Variants in STRN3 observed in about 807,000 individuals in gnomAD.
STRN3 encodes the protein striatin-3.
In STRN3, 29 loss-of-function variants were observed where a neutral mutation model predicts 95.6. That is an observed-to-expected ratio of 0.30 (90% CI 0.23 to 0.41). STRN3 has a LOEUF of 0.41. STRN3 is among the 10% of genes least tolerant of loss of function. The probability of loss-of-function intolerance (pLI) is 1.00; values close to 1 mark genes in which losing one functional copy is unlikely to be tolerated. For missense variants in STRN3, 890 were observed against 972.1 expected, an observed-to-expected ratio of 0.92 and a Z score of 1.12; for synonymous variants, 331 against 357.6, an observed-to-expected ratio of 0.93 and a Z score of 0.84.
chr14:30,966,105 TTC>T (rs1880488399), intron 1 of STRN3, among the ~76,000 whole-genome samples: 1 of 149,968 alleles, frequency 6.7e-6, no homozygotes, highest in African/African-American at 2.5e-5. Context: ...CACCCTGTCA[TTC>T]TCTTTTAATT....
intron 1 of STRN3, among the ~76,000 whole-genome samples, chr14:31,023,103 AGT>A (rs1480663511): frequency 3.9e-5 from 6 of 152,220 alleles, no homozygotes; most frequent in Admixed American, 6.5e-5. Flanking sequence ...AAAAAAGAAA[AGT>A]GTAGTGTAGT....
chr14:30,989,617 C>T (rs1881855232), intron 1 of STRN3, among the ~76,000 whole-genome samples: 1 of 151,916 alleles, frequency 6.6e-6, no homozygotes, highest in Admixed American at 6.6e-5. Flanking sequence ...CCCGCCACCT[C>T]GCCTGGCTAA....
chr14:30,985,983 T>TTC (rs375816763), intron 1 of STRN3, among the ~76,000 whole-genome samples: 32 of 151,570 alleles, frequency 2.1e-4, no homozygotes, highest in South Asian at 1.3e-3. Context: ...TGCATGCGCT[T>TTC]TCTCTCTCTC....
intron 1 of STRN3, among the ~76,000 whole-genome samples, chr14:31,013,363 A>AC (rs1276669680): frequency 1.3e-5 from 2 of 151,260 alleles, no homozygotes; most frequent in African/African-American, 2.4e-5. Context: ...AAAGAGTGAG[A>AC]CCCCCATCTC....
intron 1 of STRN3, among the ~76,000 whole-genome samples, chr14:30,994,467 AATCT>A (rs1882107616): frequency 6.6e-6 from 1 of 152,202 alleles, no homozygotes; most frequent in Non-Finnish European, 1.5e-5. Flanking sequence ...AGGTTATTTA[AATCT>A]ATCCAAACAT....
chr14:31,008,319 T>C (rs568704153), intron 1 of STRN3, among the ~76,000 whole-genome samples: 5 of 151,722 alleles, frequency 3.3e-5, no homozygotes, highest in Non-Finnish European at 5.9e-5. Flanking sequence ...GACCAGCCTA[T>C]ACATCATGGC....
intron 16 of STRN3, among the ~76,000 whole-genome samples, chr14:30,902,157 G>A (rs1174077902): frequency 1.1e-5 from 1 of 89,692 alleles, no homozygotes; most frequent in Non-Finnish European, 2.0e-5. Flanking sequence ...GGCAACAAGA[G>A]CAAAACTCCG....
At position 30,895,053 on chromosome 14, in the gene STRN3, CAAAAAAAAAAA is replaced by C. The variant is rs35858438; in HGVS notation, c.*347_*357del. 53 of 26,560 alleles carry C rather than the reference CAAAAAAAAAAA, an allele frequency of 2.0e-3. No individual in the cohort carries two copies. Among genetic ancestry groups the C allele is most frequent in the Non-Finnish European group, 2.0e-3 (34 of 17,388 alleles). The allele number at this position is 26,560 out of a possible 1,614,324, so 1.6% of individuals were successfully genotyped here. A position where few individuals can be genotyped will look rare whatever the true frequency, so the allele number is the denominator to read the frequency against. ...AACCCCTAAGGCAGCACACAGAGTCCAAAAAAAAAAAAAAAAAAAAAAAAAAGAAGAAGAAG... is the reference window on the plus strand; with the variant it reads ...AACCCCTAAGGCAGCACACAGAGTCCAAAAAAAAAAAAAAAGAAGAAGAAG... On this transcript the variant is annotated 3_prime_UTR_variant, in exon 18 of 18. Transcript: ENST00000357479.
At chr14:30,958,234 G>A (rs1880017663) in intron 1 of STRN3, among the ~76,000 whole-genome samples, 1 of 152,092 alleles carries the variant, frequency 6.6e-6, no homozygotes, top group South Asian at 2.1e-4. Flanking sequence ...AACTGCTTGA[G>A]CCCAGGAGTG....
At chr14:31,018,974 T>C (rs1399555488) in intron 1 of STRN3, among the ~76,000 whole-genome samples, 1 of 152,074 alleles carries the variant, frequency 6.6e-6, no homozygotes, top group Non-Finnish European at 1.5e-5. Context: ...ATTCAAAAAA[T>C]TAGTCGGGCA....
intron 8 of STRN3, among the ~76,000 whole-genome samples, chr14:30,923,691 A>G (rs1438067519): frequency 1.3e-5 from 2 of 152,186 alleles, no homozygotes; most frequent in Non-Finnish European, 2.9e-5. Context: ...TAAATTTTAT[A>G]GGTATAATAT....
At chr14:30,953,625 G>A (rs914667888) in intron 3 of STRN3, among the ~76,000 whole-genome samples, 1 of 152,118 alleles carries the variant, frequency 6.6e-6, no homozygotes, top group Non-Finnish European at 1.5e-5. Flanking sequence ...CTGGATCATA[G>A]GGTATGTATA....
intron 1 of STRN3, among the ~76,000 whole-genome samples, chr14:30,956,607 T>A (rs1231201248): frequency 1.3e-5 from 2 of 152,144 alleles, no homozygotes; most frequent in African/African-American, 4.8e-5. Context: ...ATGTCCAAAC[T>A]TTGTTAGATC....
intron 1 of STRN3, among the ~76,000 whole-genome samples, chr14:30,994,198 C>A (rs1215839992): frequency 6.6e-6 from 1 of 151,824 alleles, no homozygotes; most frequent in African/African-American, 2.4e-5. Context: ...AATATGTTGG[C>A]CAGGATGGTC....
intron 1 of STRN3, among the ~76,000 whole-genome samples, chr14:30,966,760 G>C (rs1417970593): frequency 6.6e-6 from 1 of 152,136 alleles, no homozygotes; most frequent in Non-Finnish European, 1.5e-5. Context: ...CTGCTGGACG[G>C]AGTGAGTGGG....
chr14:30,961,776 A>T (rs924366793), intron 1 of STRN3, among the ~76,000 whole-genome samples: 14 of 152,204 alleles, frequency 9.2e-5, no homozygotes, highest in Middle Eastern at 3.4e-3. Context: ...CTAATTTTTT[A>T]AAAATTATTT....
At chr14:30,947,049 A>G in intron 5 of STRN3, 41 bp downstream of exon 5, 1 of 1,421,864 alleles carries the variant, frequency 7.0e-7, no homozygotes, top group Non-Finnish European at 9.4e-7. Flanking sequence ...AACAATATCC[A>G]TAATATCCAT....
At chr14:30,910,062 C>T (rs1025606878) in intron 13 of STRN3, among the ~76,000 whole-genome samples, 2 of 152,138 alleles carry the variant, frequency 1.3e-5, no homozygotes, top group African/African-American at 4.8e-5. Context: ...CCACTCTTCT[C>T]GCCCCCAATT....
intron 1 of STRN3, among the ~76,000 whole-genome samples, chr14:31,020,801 G>A (rs1883468917): frequency 6.6e-6 from 1 of 152,072 alleles, no homozygotes; most frequent in African/African-American, 2.4e-5. Context: ...ACCTACTCGG[G>A]AGGCTGCAGC....
Sources: gnomAD v4.1 joint callset for allele counts (sites outside exome capture counted in the v4.1 genomes callset) on GRCh38, gnomAD v4.1.1 for gene constraint, MANE v1.5 for transcripts, NCBI Gene and HGNC (gene_info 2026-07-23, HGNC 2026-07-21) for gene names.